Variants in CRYBG1 observed in about 807,000 individuals in gnomAD.
The protein encoded by CRYBG1 is crystallin beta-gamma domain containing 1, also known as beta/gamma crystallin domain-containing protein 1.
CRYBG1 carries 139 observed loss-of-function variants against 189.2 expected under a neutral mutation model. The ratio of observed to expected loss-of-function variants is 0.73; its 90% CI spans 0.64 to 0.85. CRYBG1 has a LOEUF of 0.85. Among genes scored for constraint, CRYBG1 ranks in the 40% least tolerant of loss-of-function variants. The pLI is 0.00. For synonymous variants in CRYBG1, 1,023 were observed against 1,017.1 expected, an observed-to-expected ratio of 1.01 and a Z score of -0.11; for missense variants, 2,611 against 2,675.8, an observed-to-expected ratio of 0.98 and a Z score of 0.53.
At chr6:106,560,707 T>C in intron 18 of CRYBG1, 96 bp from the exon 19 acceptor site, 1 of 1,386,958 alleles carries the variant, frequency 7.2e-7, no homozygotes, top group African/African-American at 1.5e-5. Flanking sequence ...AAGTATATAG[T>C]TCAGTCTAGA....
rs188375502 is a variant in CRYBG1, at chr6:106,553,848, G to C, written c.5585+281G>C. On this transcript the variant is annotated intron_variant, in intron 16 of 21. Transcript: ENST00000633556. ...TCTAGAAAGGGAGAGTTGGGCTCTA[G>C]TTAATCCAAGGTACCTCCCAAGGTG... Among the ~76,000 whole-genome samples, 18 of 152,272 alleles carry C rather than the reference G, an allele frequency of 1.2e-4. No homozygotes were observed. In the East Asian group the frequency reaches 2.9e-3, roughly 24 times the overall value.
intron 2 of CRYBG1, among the ~76,000 whole-genome samples, chr6:106,507,753 C>T (rs1273065220): frequency 2.0e-5 from 3 of 152,178 alleles, no homozygotes; most frequent in South Asian, 4.1e-4. Context: ...AAATACGTAT[C>T]GCATTTAGGA....
intron 2 of CRYBG1, among the ~76,000 whole-genome samples, chr6:106,496,142 T>C (rs1270893001): frequency 6.6e-6 from 1 of 152,210 alleles, no homozygotes; most frequent in African/African-American, 2.4e-5. Flanking sequence ...TTGGAGACAC[T>C]GGGCTTCTTA....
At chr6:106,538,388 A>T (rs1562110347) in intron 8 of CRYBG1, among the ~76,000 whole-genome samples, 1 of 152,132 alleles carries the variant, frequency 6.6e-6, no homozygotes, top group Non-Finnish European at 1.5e-5. Context: ...TGACAAGCTG[A>T]TAGAAGGGTG....
intron 2 of CRYBG1, among the ~76,000 whole-genome samples, chr6:106,472,739 TAA>T (rs34089235): frequency 0.13 from 19,059 of 144,598 alleles, 1,446 homozygotes; most frequent in South Asian, 0.26. Flanking sequence ...CACAAAATAT[TAA>T]AAAAAAAAAA....
At position 106,544,768 on chromosome 6, in the gene CRYBG1, T is replaced by G; in HGVS notation, c.5167-20T>G. On this transcript the variant is annotated intron_variant, in intron 12 of 21. Transcript: ENST00000633556. ...TAATAAATGGCTAGCCTTTGAATTT[T>G]GAATTTTTTTTCTCAATAGGATTTT... 6.2e-7 allele frequency: 1 copy of G among 1,602,360 alleles called. No individual in the cohort carries two copies. Among genetic ancestry groups the G allele is most frequent in the Non-Finnish European group, 8.5e-7 (1 of 1,176,490 alleles).
At position 106,569,205 on chromosome 6, in the gene CRYBG1, A is replaced by AAAGTC. The variant is rs1176943226; in HGVS notation, c.*640_*644dup. 1.3e-5 allele frequency: 2 copies of AAAGTC among 152,156 alleles called. No individual in the cohort carries two copies. The highest frequency in any genetic ancestry group is 4.8e-5 in the African/African-American group (2 of 41,428). 9.4% of individuals were successfully genotyped at this position (152,156 alleles called of 1,614,324 possible). ...TAATACATTTTAAAAATTTAATGTCAAAGTCTGGTAACATTTGTTAGTAGG... is the reference window on the plus strand; with the variant it reads ...TAATACATTTTAAAAATTTAATGTCAAAGTCAAGTCTGGTAACATTTGTTAGTAGG... On this transcript the variant is annotated 3_prime_UTR_variant, in exon 22 of 22. Coordinates refer to ENST00000633556, the MANE Select transcript of CRYBG1 (RefSeq NM_001371242.2).
In CRYBG1 at chr6:106,505,722, A is replaced by ATTT. The variant is rs34498308; in HGVS notation, c.313-5697_313-5695dup. Reference sequence around the variant, plus strand: ...ATTTTTAAGCCACACAACTCATGCTATTTTTTTTTTTTTACAAAAAAACTG... The same window carrying ATTT: ...ATTTTTAAGCCACACAACTCATGCTATTTTTTTTTTTTTTTTACAAAAAAACTG... On this transcript the variant is annotated intron_variant, in intron 2 of 21. Coordinates refer to ENST00000633556, the MANE Select transcript of CRYBG1 (RefSeq NM_001371242.2). Among the ~76,000 whole-genome samples the ATTT allele has an allele frequency of 3.5e-3, 514 of 147,610 alleles. 1 individual carries two copies. Among genetic ancestry groups the ATTT allele is most frequent in the African/African-American group, 0.012 (495 of 40,330 alleles).
intron 1 of CRYBG1, among the ~76,000 whole-genome samples, chr6:106,391,827 A>G (rs1183636746): frequency 6.6e-6 from 1 of 152,038 alleles, no homozygotes; most frequent in Non-Finnish European, 1.5e-5. Flanking sequence ...CCAGCACACC[A>G]CACTTGCTTC....
At chr6:106,551,082 C>T (rs1034327107) in intron 13 of CRYBG1, among the ~76,000 whole-genome samples, 6 of 152,048 alleles carry the variant, frequency 3.9e-5, no homozygotes, top group South Asian at 2.1e-4. Context: ...TACGGTTGAA[C>T]CCGTCAACCT....
intron 2 of CRYBG1, among the ~76,000 whole-genome samples, chr6:106,499,342 T>G (rs1367779473): frequency 7.2e-6 from 1 of 139,454 alleles, no homozygotes; most frequent in African/African-American, 2.7e-5. Context: ...TTTTTTTTAG[T>G]AGAGATGAGG....
chr6:106,369,831 A>G (rs545010128), intron 1 of CRYBG1, among the ~76,000 whole-genome samples: 1 of 152,326 alleles, frequency 6.6e-6, no homozygotes, highest in East Asian at 1.9e-4. Context: ...AGAGGTAGGC[A>G]CTATTATTAG....
chr6:106,556,132 G>A (rs1283192210), intron 17 of CRYBG1, among the ~76,000 whole-genome samples: 7 of 152,146 alleles, frequency 4.6e-5, no homozygotes, highest in African/African-American at 9.7e-5. Flanking sequence ...ACCTGAGTGG[G>A]AGTCTCTTGG....
At chr6:106,432,328 T>C (rs1033244578) in intron 1 of CRYBG1, among the ~76,000 whole-genome samples, 2 of 152,204 alleles carry the variant, frequency 1.3e-5, no homozygotes, top group East Asian at 1.9e-4. Context: ...TTTGAAACAG[T>C]TTGCAATACA....
chr6:106,545,837 C>A (rs1380169281), intron 13 of CRYBG1, among the ~76,000 whole-genome samples: 1 of 152,148 alleles, frequency 6.6e-6, no homozygotes, highest in Non-Finnish European at 1.5e-5. Context: ...TGCCACCAGG[C>A]CTGGCTAATT....
intron 10 of CRYBG1, among the ~76,000 whole-genome samples, chr6:106,542,392 C>T (rs1170827705): frequency 2.0e-5 from 3 of 150,218 alleles, no homozygotes; most frequent in Non-Finnish European, 4.4e-5. Context: ...AAGCCATCCT[C>T]TTGCCTCAGC....
intron 3 of CRYBG1, among the ~76,000 whole-genome samples, chr6:106,516,239 CT>C (rs35042053): frequency 0.36 from 51,935 of 144,430 alleles, 9,195 homozygotes; most frequent in African/African-American, 0.42. Flanking sequence ...GCCCAAGCTT[CT>C]TTTTTTTTTT....
rs1316463592 is a variant in CRYBG1 at position 106,361,003 on chromosome 6, A to G, written c.95A>G (p.Lys32Arg). ...KHTTFHLWRS[K>R]KKQQPAPPDC... Reference sequence around the variant, plus strand: ...ACCACCTTCCACCTCTGGCGCTCCAAAAAGAAGCAGCAGCCGGCGCCGCCT... The same window carrying G: ...ACCACCTTCCACCTCTGGCGCTCCAGAAAGAAGCAGCAGCCGGCGCCGCCT... The change falls in exon 1 of 22, where the codon AAA becomes AGA. Residue 32 changes from lysine to arginine, a missense_variant. By Grantham distance (26) the Lys-to-Arg change is conservative. Around this residue, in one of 3 missense-constraint regions of CRYBG1, gnomAD observed 985 missense variants for 924.4 expected, o/e 1.07. Coordinates refer to ENST00000633556, the MANE Select transcript of CRYBG1 (RefSeq NM_001371242.2). The G allele has an allele frequency of 2.0e-6, 3 of 1,534,942 alleles. No individual in the cohort carries two copies. In the African/African-American group the frequency reaches 4.1e-5, roughly 21 times the overall value.
At chr6:106,391,871 G>C (rs562889330) in intron 1 of CRYBG1, among the ~76,000 whole-genome samples, 3 of 151,920 alleles carry the variant, frequency 2.0e-5, no homozygotes, top group Admixed American at 2.0e-4. Flanking sequence ...CATTAGAGGT[G>C]CTCCCACTGG....
Sources: allele counts gnomAD v4.1 joint callset (sites outside exome capture counted in the v4.1 genomes callset), GRCh38; gene constraint gnomAD v4.1.1; regional missense constraint gnomAD v4.1.1; transcripts MANE v1.5; gene names NCBI Gene and HGNC (gene_info 2026-07-23, HGNC 2026-07-21).